Variants in ZBTB40 observed in about 807,000 individuals in gnomAD.
ZBTB40 encodes the protein zinc finger and BTB domain containing 40, also known as zinc finger and BTB domain-containing protein 40.
Under a neutral mutation model 117.5 loss-of-function variants are expected in ZBTB40, and 60 were observed. The ratio of observed to expected loss-of-function variants is 0.51; its 90% CI spans 0.41 to 0.63. The LOEUF is 0.63. Among genes scored for constraint, ZBTB40 ranks in the 30% least tolerant of loss-of-function variants. ZBTB40 has a pLI of 0.00. For synonymous variants in ZBTB40, 525 were observed against 577.1 expected (o/e 0.91, Z 1.29); for missense variants, 1,287 against 1,498.5 (o/e 0.86, Z 2.33).
At chr1:22,499,527 A>G (rs561516503) in intron 3 of ZBTB40, among the ~76,000 whole-genome samples, 6 of 152,346 alleles carry the variant, frequency 3.9e-5, no homozygotes, top group Admixed American at 3.9e-4. Context: ...AAGTTGATTT[A>G]ATTTAGCTTT....
intron 1 of ZBTB40, among the ~76,000 whole-genome samples, chr1:22,485,762 T>G (rs543479455): frequency 1.2e-4 from 18 of 152,314 alleles, no homozygotes; most frequent in African/African-American, 4.3e-4. Flanking sequence ...TTACTTTGCT[T>G]TTTCGTTTTG....
chr1:22,455,619 T>G (rs1293959046), intron 1 of ZBTB40, among the ~76,000 whole-genome samples: 1 of 152,202 alleles, frequency 6.6e-6, no homozygotes, highest in Non-Finnish European at 1.5e-5. Context: ...AGTTTTACTC[T>G]GTGATTTGGG....
intron 12 of ZBTB40, among the ~76,000 whole-genome samples, chr1:22,517,066 C>T (rs1289755747): frequency 6.6e-6 from 1 of 152,132 alleles, no homozygotes; most frequent in Admixed American, 6.5e-5. Flanking sequence ...GTGAGAACTC[C>T]GTCCTTATTC....
rs537369388 is a variant in ZBTB40 at position 22,521,523 on chromosome 1, C to T, written c.3076C>T (p.Arg1026Ter). The T allele has an allele frequency of 1.9e-6, 3 of 1,614,216 alleles. No individual in the cohort carries two copies. Among genetic ancestry groups the T allele is most frequent in the Admixed American group, 1.7e-5 (1 of 60,032 alleles). ...ATTGTCTGGTTTGTGGTACCACAAT[C>T]GAACCCACCACCCTGACGTATTTGC... The part of the protein sequence containing the change: ...QQLSGLWYHN[R>*]THHPDVFAAQ... The change falls in exon 15 of 18, where the codon CGA becomes TGA. Residue 1026 changes from arginine (R) to a stop codon, truncating the protein, a stop_gained. Transcript: ENST00000375647. LOFTEE classifies it high-confidence loss of function.
chr1:22,486,103 T>C (rs1004654477), intron 1 of ZBTB40, among the ~76,000 whole-genome samples: 1 of 152,242 alleles, frequency 6.6e-6, no homozygotes, highest in African/African-American at 2.4e-5. Flanking sequence ...GTCTGTTTGT[T>C]TGTCTTTTAG....
chr1:22,529,731 G>A lies in ZBTB40; in HGVS notation c.*3335G>A, dbSNP rs929569376. 5.9e-5 allele frequency: 9 copies of A among 152,216 alleles called. No individual in the cohort carries two copies. The highest frequency in any genetic ancestry group is 2.2e-4 in the African/African-American group (9 of 41,424). 9.4% of individuals were successfully genotyped at this position (152,216 alleles called of 1,614,324 possible). On this transcript the variant is annotated 3_prime_UTR_variant, in exon 18 of 18. Transcript: ENST00000375647. Reference sequence around the variant, plus strand: ...CCCAGTGAGTAGCAGGGTCTGCAGTGTGAGTACCAGGTTTCCCTGGCAATC... The same window carrying A: ...CCCAGTGAGTAGCAGGGTCTGCAGTATGAGTACCAGGTTTCCCTGGCAATC...
At chr1:22,443,709 G>A (rs1346796768) in intron 1 of ZBTB40, among the ~76,000 whole-genome samples, 1 of 152,198 alleles carries the variant, frequency 6.6e-6, no homozygotes, top group Non-Finnish European at 1.5e-5. Context: ...CCCCGCAAGA[G>A]ACGGCTTTGC....
chr1:22,485,031 G>GT (rs1253275081), intron 1 of ZBTB40, among the ~76,000 whole-genome samples: 1 of 152,156 alleles, frequency 6.6e-6, no homozygotes, highest in Non-Finnish European at 1.5e-5. Context: ...TTTAGGCATT[G>GT]TTAGAGTCAA....
chr1:22,454,849 G>C (rs1640968350), intron 1 of ZBTB40, among the ~76,000 whole-genome samples: 1 of 152,176 alleles, frequency 6.6e-6, no homozygotes, highest in Non-Finnish European at 1.5e-5. Context: ...TTTTGTTGTT[G>C]TTACACATAT....
chr1:22,446,368 A>G (rs1640789986), intron 1 of ZBTB40, among the ~76,000 whole-genome samples: 1 of 152,142 alleles, frequency 6.6e-6, no homozygotes, highest in African/African-American at 2.4e-5. Flanking sequence ...AGAATAACGG[A>G]TAATTTCCCA....
chr1:22,438,639 TG>T (rs1206023393), intron 1 of ZBTB40, among the ~76,000 whole-genome samples: 1 of 152,198 alleles, frequency 6.6e-6, no homozygotes, highest in Non-Finnish European at 1.5e-5. Flanking sequence ...CTACCAACAG[TG>T]CACAAGGATT....
chr1:22,512,990 C>T lies in ZBTB40; in HGVS notation c.2528C>T (p.Ala843Val), dbSNP rs145253373. 12 of 1,614,034 alleles carry T rather than the reference C, an allele frequency of 7.4e-6. No homozygotes were observed. The highest frequency in any genetic ancestry group is 4.5e-5 in the East Asian group (2 of 44,900). ...EKPFSCEECG[A>V]KFAANSTLKN... ...CCTTTCTCCTGTGAAGAGTGTGGGG[C>T]GAAGTTTGCAGCCAATTCCACCCTG... Residue 843 changes from alanine to valine, a missense_variant, in exon 12 of 18, where the codon GCG becomes GTG. Physicochemically the swap from Ala to Val is moderately conservative, Grantham distance 64. Around this residue, in one of 2 missense-constraint regions of ZBTB40, gnomAD observed 417 missense variants for 564.1 expected, o/e 0.74. Coordinates refer to ENST00000375647, the MANE Select transcript of ZBTB40 (RefSeq NM_014870.4).
At chr1:22,446,687 A>T (rs577142735) in intron 1 of ZBTB40, among the ~76,000 whole-genome samples, 16 of 152,278 alleles carry the variant, frequency 1.1e-4, no homozygotes, top group African/African-American at 3.6e-4. Context: ...TGTGGAATTA[A>T]ACTTCAAAAG....
chr1:22,525,366 T>C (rs544644504), intron 17 of ZBTB40, among the ~76,000 whole-genome samples: 1 of 152,374 alleles, frequency 6.6e-6, no homozygotes, highest in South Asian at 2.1e-4. Flanking sequence ...TCTTCTCTCC[T>C]GTAGCACGGA....
chr1:22,468,479 T>C (rs1434159573), intron 1 of ZBTB40, among the ~76,000 whole-genome samples: 3 of 122,156 alleles, frequency 2.5e-5, no homozygotes, highest in Admixed American at 1.8e-4. Context: ...TTTTTTTTTT[T>C]TTTTTTTTTT....
chr1:22,501,534 T>A lies in ZBTB40; in HGVS notation c.874T>A (p.Phe292Ile). The change falls in exon 4 of 18, where the codon TTC becomes ATC. Residue 292 changes from phenylalanine to isoleucine, a missense_variant. Coordinates refer to ENST00000375647, the MANE Select transcript of ZBTB40 (RefSeq NM_014870.4). ...CFEGEGGHSAFQRILGKVREE... is the reference protein window; with the variant it reads ...CFEGEGGHSAIQRILGKVREE... ...CGAGGGTGAAGGAGGACATTCAGCA[T>A]TCCAGAGAATCCTGGGTAAAGTAAG... is the stretch of plus-strand genomic sequence containing the variant. 6.2e-7 allele frequency: 1 copy of A among 1,614,174 alleles called. No homozygotes were observed. Among genetic ancestry groups the A allele is most frequent in the East Asian group, 2.2e-5 (1 of 44,878 alleles).
chr1:22,457,224 GTCCCC>G (rs1221049906), intron 1 of ZBTB40, among the ~76,000 whole-genome samples: 1 of 152,112 alleles, frequency 6.6e-6, no homozygotes, highest in Non-Finnish European at 1.5e-5. Flanking sequence ...TGTCCACAGA[GTCCCC>G]TCTCTTTATC....
In ZBTB40 at chr1:22,528,157, C is replaced by T. The variant is rs1441691504; in HGVS notation, c.*1761C>T. The T allele has an allele frequency of 5.2e-5, 8 of 152,774 alleles. No individual in the cohort carries two copies. 9.5% of individuals were successfully genotyped at this position (152,774 alleles called of 1,614,324 possible). The stretch of plus-strand genomic sequence containing the variant: ...TACCAAGGCTGTGCCTGTATTAAGG[C>T]TTTTCCGTCCTGGGAACTGTCAGTC... On this transcript the variant is annotated 3_prime_UTR_variant, in exon 18 of 18. Coordinates refer to ENST00000375647, the MANE Select transcript of ZBTB40 (RefSeq NM_014870.4).
At chr1:22,463,148 G>T (rs1447874192) in intron 1 of ZBTB40, among the ~76,000 whole-genome samples, 3 of 152,146 alleles carry the variant, frequency 2.0e-5, no homozygotes, top group Non-Finnish European at 4.4e-5. Context: ...AGAGAGTTAA[G>T]CAACTTGACT....
Sources: allele counts gnomAD v4.1 joint callset (sites outside exome capture counted in the v4.1 genomes callset), GRCh38; gene constraint gnomAD v4.1.1; regional missense constraint gnomAD v4.1.1; transcripts MANE v1.5; gene names NCBI Gene and HGNC (gene_info 2026-07-23, HGNC 2026-07-21).